The following NCAPD3 variants were observed in gnomAD, a reference collection of about 807,000 sequenced individuals.
The protein encoded by NCAPD3 is non-SMC condensin II complex subunit D3.
Under a neutral mutation model 182.9 loss-of-function variants are expected in NCAPD3, and 105 were observed. The ratio of observed to expected loss-of-function variants is 0.57; its 90% CI spans 0.49 to 0.68. The LOEUF (loss-of-function observed/expected upper bound fraction) is 0.68. NCAPD3 is among the 30% of genes least tolerant of loss of function. The probability of loss-of-function intolerance (pLI) is 0.00; values close to 1 mark genes in which losing one functional copy is unlikely to be tolerated. For missense variants in NCAPD3, 1,944 were observed against 1,837.0 expected (o/e 1.06, Z -1.07); for synonymous variants, 815 against 679.9 (o/e 1.20, Z -3.09).
rs1340960660 is a variant in NCAPD3 at position 134,186,382 on chromosome 11, T to C, written c.2046-856A>G. On this transcript the variant is annotated intron_variant, in intron 16 of 34. Coordinates refer to ENST00000534548, the MANE Select transcript of NCAPD3 (RefSeq NM_015261.3). Reference sequence around the variant, plus strand: ...CTGGCTAATTTCTCTCTCTCTCTCTTTGTCTGTCTTTCTTGAGACAGGGTC... The same window carrying C: ...CTGGCTAATTTCTCTCTCTCTCTCTCTGTCTGTCTTTCTTGAGACAGGGTC... Among the ~76,000 whole-genome samples, 7 of 152,040 alleles carry C rather than the reference T, an allele frequency of 4.6e-5. No individual in the cohort carries two copies. In the South Asian group the frequency reaches 1.0e-3, roughly 23 times the overall value.
Position 134,210,277 on chromosome 11 carries a change from T to C in NCAPD3, c.560A>G (p.Asp187Gly). The change falls in exon 4 of 35, where the codon GAT becomes GGT. Residue 187 changes from aspartate (D) to glycine (G), a missense_variant. By Grantham distance (94) the Asp-to-Gly change is moderately conservative (BLOSUM62 -1). This residue lies in a region of NCAPD3 where 1,803 missense variants were observed against 1,674.6 expected (regional missense o/e 1.08). Coordinates refer to ENST00000534548, the MANE Select transcript of NCAPD3 (RefSeq NM_015261.3). Reference sequence around the variant, plus strand: ...ACTCAACTTACTTCTTACCTCAATATCTTCTCTCCTGGGTGGCTTTCCCCT... The same window carrying C: ...ACTCAACTTACTTCTTACCTCAATACCTTCTCTCCTGGGTGGCTTTCCCCT... The part of the protein sequence containing the change: ...RKRGKPPRRE[D>G]IEMDEIIEEQ... 6.2e-7 allele frequency: 1 copy of C among 1,611,284 alleles called. No individual in the cohort carries two copies. The highest frequency in any genetic ancestry group is 8.5e-7 in the Non-Finnish European group (1 of 1,179,222).
At chr11:134,222,349 T>C (rs1272521933) in intron 1 of NCAPD3, among the ~76,000 whole-genome samples, 1 of 152,198 alleles carries the variant, frequency 6.6e-6, no homozygotes, top group Non-Finnish European at 1.5e-5. Flanking sequence ...GATATAAAGA[T>C]GAATACTAGA....
In NCAPD3 at chr11:134,216,919, A is replaced by G. The variant is rs911604309; in HGVS notation, c.382+17T>C. The G allele has an allele frequency of 6.3e-7, 1 of 1,581,664 alleles. No individual in the cohort carries two copies. Among genetic ancestry groups the G allele is most frequent in the Non-Finnish European group, 8.6e-7 (1 of 1,168,836 alleles). ...AAAATGACAGAAGATTTATCCTATC[A>G]TATCAGGTCTACATACCTGGTACTT... On this transcript the variant is annotated intron_variant, in intron 3 of 34. Transcript: ENST00000534548.
chr11:134,204,825 A>ACT lies in NCAPD3; in HGVS notation c.1089+73_1089+74insAG. On this transcript the variant is annotated intron_variant, in intron 9 of 34. Coordinates refer to ENST00000534548, the MANE Select transcript of NCAPD3 (RefSeq NM_015261.3). This position sits in a 1 kb window ranked among gnomAD's most constrained non-coding sequence, Gnocchi z 4.3. ...TTCCCAAGAACAAATACCCACACTC[A>ACT]CACACACACACACACATTTATCTTC... 2.6e-6 allele frequency: 2 copies of ACT among 762,428 alleles called. No homozygotes were observed. Among genetic ancestry groups the ACT allele is most frequent in the Non-Finnish European group, 3.9e-6 (2 of 514,488 alleles). The allele number at this position is 762,428 out of a possible 1,614,324, so 47.2% of individuals were successfully genotyped here. A position where few individuals can be genotyped will look rare whatever the true frequency, so the allele number is the denominator to read the frequency against.
intron 31 of NCAPD3, 35 bp downstream of exon 31, chr11:134,157,893 G>A (rs752532561): frequency 3.8e-6 from 6 of 1,586,920 alleles, no homozygotes; most frequent in Non-Finnish European, 8.6e-7. Context: ...ATCTGTAAAT[G>A]CTCTACTGTG....
chr11:134,223,397 G>C, intron 1 of NCAPD3: 1 of 702,328 alleles, frequency 1.4e-6, no homozygotes, highest in South Asian at 1.5e-5. Flanking sequence ...TTGGTGGCTT[G>C]GATGGTGCCA....
At chr11:134,202,349 A>C (rs1426844711) in intron 13 of NCAPD3, among the ~76,000 whole-genome samples, 1 of 152,170 alleles carries the variant, frequency 6.6e-6, no homozygotes, top group Non-Finnish European at 1.5e-5. Flanking sequence ...TTAGTAACTA[A>C]GCTGGTACAA....
chr11:134,215,597 G>A (rs974160641), intron 3 of NCAPD3, among the ~76,000 whole-genome samples: 2 of 152,188 alleles, frequency 1.3e-5, no homozygotes, highest in African/African-American at 2.4e-5. Context: ...GGAGATGCAA[G>A]AGTTGCGCAC....
intron 16 of NCAPD3, among the ~76,000 whole-genome samples, chr11:134,186,436 C>G (rs934727277): frequency 1.3e-5 from 2 of 152,194 alleles, no homozygotes; most frequent in African/African-American, 4.8e-5. Context: ...TGGTCTTGAA[C>G]TTCTGGGCTC....
intron 27 of NCAPD3, among the ~76,000 whole-genome samples, chr11:134,164,245 A>T (rs373914940): frequency 6.6e-6 from 1 of 152,192 alleles, no homozygotes; most frequent in Non-Finnish European, 1.5e-5. Context: ...AGCCTGACAC[A>T]CCAGACTCCA....
intron 27 of NCAPD3, among the ~76,000 whole-genome samples, chr11:134,167,462 G>C (rs183820647): frequency 7.9e-6 from 1 of 126,860 alleles, no homozygotes; most frequent in African/African-American, 3.2e-5. Context: ...TAGGGGAGGC[G>C]CACACTCACT....
intron 24 of NCAPD3, among the ~76,000 whole-genome samples, chr11:134,175,414 G>C (rs1355381964): frequency 2.0e-5 from 3 of 152,214 alleles, no homozygotes; most frequent in Admixed American, 1.3e-4. Context: ...TCTGGTTCTA[G>C]AAAGCAGTAA....
At chr11:134,166,045 G>C (rs1454344434) in intron 27 of NCAPD3, among the ~76,000 whole-genome samples, 2 of 110,146 alleles carry the variant, frequency 1.8e-5, no homozygotes, top group Non-Finnish European at 3.7e-5. Flanking sequence ...ACACTCACTA[G>C]TGAGATGAGC....
chr11:134,159,731 C>T (rs1943524709), intron 29 of NCAPD3, among the ~76,000 whole-genome samples, 161 bp downstream of exon 29: 1 of 152,242 alleles, frequency 6.6e-6, no homozygotes, highest in Non-Finnish European at 1.5e-5. Flanking sequence ...CCATCACAGA[C>T]AGAAAGGCAC....
At chr11:134,181,507 C>T (rs1453808750) in intron 19 of NCAPD3, among the ~76,000 whole-genome samples, 1 of 152,152 alleles carries the variant, frequency 6.6e-6, no homozygotes, top group Non-Finnish European at 1.5e-5. Context: ...TAGTAGTGCT[C>T]CTCCAAAAAT....
At chr11:134,166,888 T>A (rs1256008039) in intron 27 of NCAPD3, among the ~76,000 whole-genome samples, 7 of 83,296 alleles carry the variant, frequency 8.4e-5, no homozygotes, top group Middle Eastern at 0.012. Flanking sequence ...CACACTCACT[T>A]GTGAGATGAG....
In NCAPD3 at chr11:134,168,071, G is replaced by A. The variant is rs776053317; in HGVS notation, c.3498C>T (p.Asp1166=). The A allele has an allele frequency of 3.7e-6, 6 of 1,614,192 alleles. No individual in the cohort carries two copies. In the South Asian group the frequency reaches 4.4e-5, roughly 12 times the overall value. Residue 1166 remains aspartate, a synonymous_variant, in exon 27 of 35, where the codon GAC becomes GAT. Transcript: ENST00000534548. ...CCATGTCATCTTCTTCCATAAGGAGGTCTTTGTCTGGTTTAGATCTCATTG... is the reference window on the plus strand; with the variant it reads ...CCATGTCATCTTCTTCCATAAGGAGATCTTTGTCTGGTTTAGATCTCATTG... ...LLAMRSKPDK[D]LLMEEDDMAL...
chr11:134,175,323 A>G (rs1453906693), intron 24 of NCAPD3, among the ~76,000 whole-genome samples: 1 of 152,186 alleles, frequency 6.6e-6, no homozygotes, highest in African/African-American at 2.4e-5. Context: ...AAGTCCTGAG[A>G]GTCAGTATAG....
intron 32 of NCAPD3, among the ~76,000 whole-genome samples, chr11:134,156,192 C>T (rs1293956286): frequency 1.3e-5 from 2 of 152,116 alleles, no homozygotes; most frequent in Non-Finnish European, 2.9e-5. Flanking sequence ...CAGAAGTCTC[C>T]GGGAGGAGAT....
Sources: allele counts gnomAD v4.1 joint callset (sites outside exome capture counted in the v4.1 genomes callset), GRCh38; gene constraint gnomAD v4.1.1; regional missense constraint gnomAD v4.1.1; non-coding constraint Gnocchi (gnomAD v3.1); transcripts MANE v1.5; gene names NCBI Gene and HGNC (gene_info 2026-07-23, HGNC 2026-07-21).